PSG1: variants seen among roughly 807,000 people sequenced by gnomAD.
PSG1 encodes the protein pregnancy-specific beta-1-glycoprotein 1.
PSG1 carries 60 observed loss-of-function variants against 41.4 expected under a neutral mutation model. The ratio of observed to expected loss-of-function variants is 1.45; its 90% CI spans 1.18 to 1.80. The LOEUF (loss-of-function observed/expected upper bound fraction) is 1.80. Among genes scored for constraint, PSG1 ranks in the 40% most tolerant of loss-of-function variants. The pLI is 0.00. For synonymous variants in PSG1, 256 were observed against 192.9 expected, an observed-to-expected ratio of 1.33 and a Z score of -2.71; for missense variants, 806 against 516.9, an observed-to-expected ratio of 1.56 and a Z score of -5.42.
At chr19:42,869,358 C>T (rs1280243399) in intron 3 of PSG1, 4 of 441,784 alleles carry the variant, frequency 9.1e-6, no homozygotes, top group Non-Finnish European at 1.6e-5. Flanking sequence ...GGCTGGCTCA[C>T]CTTGGGTTCC....
rs1338518023 is a variant in PSG1 at position 42,879,091 on chromosome 19, T to A, written c.64+427A>T. On this transcript the variant is annotated intron_variant, in intron 1 of 5. Coordinates refer to ENST00000436291, the MANE Select transcript of PSG1 (RefSeq NM_001184825.2). The stretch of plus-strand genomic sequence containing the variant: ...TACGACTTTCCTGTTTTGACCCCTG[T>A]CCCTCTCTGGTGTATTTTCCCCTAT... Among the ~76,000 whole-genome samples the A allele has an allele frequency of 2.0e-5, 3 of 151,588 alleles. 1 individual carries two copies. Among genetic ancestry groups the A allele is most frequent in the Non-Finnish European group, 4.4e-5 (3 of 67,868 alleles).
chr19:42,866,722 G>C lies in PSG1; in HGVS notation c.*412C>G. The C allele has an allele frequency of 2.4e-6, 1 of 414,704 alleles. No individual in the cohort carries two copies. The allele number at this position is 414,704 out of a possible 1,614,324, so 25.7% of individuals were successfully genotyped here. ...TTTCCCCCTGAGATGTTATGTAAAA[G>C]TTTGAGGTTGAGATGACATATCTGA... On this transcript the variant is annotated 3_prime_UTR_variant, in exon 6 of 6. Coordinates refer to ENST00000436291, the MANE Select transcript of PSG1 (RefSeq NM_001184825.2).
At chr19:42,867,742 T>A (rs1362916332) in intron 5 of PSG1, 3 of 885,068 alleles carry the variant, frequency 3.4e-6, no homozygotes, top group Non-Finnish European at 5.7e-6. Flanking sequence ...TGAACTGCTA[T>A]AAGCTGTAGA....
At position 42,875,733 on chromosome 19, in the gene PSG1, C is replaced by A. The variant is rs139413075; in HGVS notation, c.430+2180G>T. Among the ~76,000 whole-genome samples the A allele has an allele frequency of 1.2e-3, 178 of 151,708 alleles. 11 individuals carry two copies. The East Asian group carries it at 0.034, about 29-fold the overall frequency. On this transcript the variant is annotated intron_variant, in intron 2 of 5. Coordinates refer to ENST00000436291, the MANE Select transcript of PSG1 (RefSeq NM_001184825.2). ...GAGGCTGATTTGAGTAATAATAAAC[C>A]TCTGTCCTCCTGTTTGGCAGACTTG...
In PSG1 at chr19:42,869,018, G is replaced by A. The variant is rs773661704; in HGVS notation, c.726C>T (p.Pro242=). 2 of 1,610,554 alleles carry A rather than the reference G, an allele frequency of 1.2e-6. No homozygotes were observed. The highest frequency in any genetic ancestry group is 1.3e-5 in the African/African-American group (1 of 74,760). Residue 242 remains proline, a synonymous_variant, in exon 4 of 6, where the codon CCC becomes CCT. Coordinates refer to ENST00000436291, the MANE Select transcript of PSG1 (RefSeq NM_001184825.2). ...TLNLLPKLPK[P]YITINNLNPR... ...GGTTTAAGTTGTTGATGGTGATGTA[G>A]GGCTTGGGCAGCTTCGCTGTGTGGA...
chr19:42,874,352 GT>G (rs200749506), intron 2 of PSG1, among the ~76,000 whole-genome samples: 16 of 148,170 alleles, frequency 1.1e-4, no homozygotes, highest in Middle Eastern at 3.4e-3. Context: ...CTCTAACAGG[GT>G]TTTTTTTTTC....
chr19:42,868,416 C>G (rs58462634), intron 4 of PSG1, 61 bp from the exon 5 acceptor site: 220,478 of 1,524,686 alleles, frequency 0.14, 19,159 homozygotes, highest in Admixed American at 0.2. Flanking sequence ...TGTTCCTGGT[C>G]TCTTAAAGGG....
rs879031586 is a variant in PSG1 at position 42,866,828 on chromosome 19, T to C, written c.*306A>G. On this transcript the variant is annotated 3_prime_UTR_variant, in exon 6 of 6. Coordinates refer to ENST00000436291, the MANE Select transcript of PSG1 (RefSeq NM_001184825.2). ...TCCTGCCAAGTGAAAGAGGCAGGCA[T>C]GAGCAAGGACAGTTAAGAGGGGGGA... 2.2e-5 allele frequency: 13 copies of C among 593,486 alleles called. No homozygotes were observed. In the South Asian group the frequency reaches 2.6e-4, roughly 12 times the overall value. 36.8% of individuals were successfully genotyped at this position (593,486 alleles called of 1,614,324 possible). A position where few individuals can be genotyped will look rare whatever the true frequency, so the allele number is the denominator to read the frequency against.
At chr19:42,873,144 G>A in intron 2 of PSG1, among the ~76,000 whole-genome samples, 1 of 151,566 alleles carries the variant, frequency 6.6e-6, no homozygotes, top group Non-Finnish European at 1.5e-5. Flanking sequence ...GGAAGAGGAG[G>A]TTCTAGAGAT....
At position 42,874,645 on chromosome 19, in the gene PSG1, C is replaced by T. The variant is rs1309036131; in HGVS notation, c.431-2600G>A. On this transcript the variant is annotated intron_variant, in intron 2 of 5. Transcript: ENST00000436291. The stretch of plus-strand genomic sequence containing the variant: ...CGTGAGCCACTGTGCGCAGCCGTCT[C>T]TGAGGGAGTTTAATGAGTTGTTGCC... Among the ~76,000 whole-genome samples, 11 of 151,816 alleles carry T rather than the reference C, an allele frequency of 7.2e-5. 1 individual carries two copies. Among genetic ancestry groups the T allele is most frequent in the Non-Finnish European group, 1.5e-4 (10 of 67,952 alleles).
intron 2 of PSG1, among the ~76,000 whole-genome samples, chr19:42,877,566 G>T (rs60284544): frequency 0.13 from 18,962 of 151,552 alleles, 1,655 homozygotes; most frequent in Admixed American, 0.17. Context: ...GTATCTCAGG[G>T]GGCCCCTCAG....
intron 2 of PSG1, among the ~76,000 whole-genome samples, chr19:42,876,213 A>C (rs973611647): frequency 2.6e-5 from 4 of 151,438 alleles, no homozygotes; most frequent in African/African-American, 9.7e-5. Context: ...AAGATGAGGG[A>C]CACAGAGAAG....
chr19:42,878,226 T>C lies in PSG1; in HGVS notation c.117A>G (p.Glu39=). ...CCTCGGAAACTTTGGTTGGCTCGGCTTCAATCGTGACTTGGGCAGTGGTGG... is the reference window on the plus strand; with the variant it reads ...CCTCGGAAACTTTGGTTGGCTCGGCCTCAATCGTGACTTGGGCAGTGGTGG... ...NLPTTAQVTI[E]AEPTKVSEGK... The change falls in exon 2 of 6, where the codon GAA becomes GAG. Residue 39 remains glutamate, a synonymous_variant. Coordinates refer to ENST00000436291, the MANE Select transcript of PSG1 (RefSeq NM_001184825.2). 1 of 1,611,066 alleles carries C rather than the reference T, an allele frequency of 6.2e-7. No individual in the cohort carries two copies. The highest frequency in any genetic ancestry group is 8.5e-7 in the Non-Finnish European group (1 of 1,178,750).
At chr19:42,876,308 C>T (rs1452241266) in intron 2 of PSG1, among the ~76,000 whole-genome samples, 1 of 151,342 alleles carries the variant, frequency 6.6e-6, no homozygotes, top group African/African-American at 2.4e-5. Flanking sequence ...CCCCCAGTTC[C>T]ATAGTCCAGG....
At chr19:42,868,563 C>A (rs1211405383) in intron 4 of PSG1, among the ~76,000 whole-genome samples, 193 bp downstream of exon 4, 1 of 151,296 alleles carries the variant, frequency 6.6e-6, no homozygotes, top group Non-Finnish European at 1.5e-5. Context: ...ATGATAAGAG[C>A]ATCCCCTCCC....
At chr19:42,878,479 C>T (rs1384722355) in intron 1 of PSG1, 4 of 967,532 alleles carry the variant, frequency 4.1e-6, no homozygotes, top group Non-Finnish European at 1.5e-6. Context: ...TCCTACTGTC[C>T]TACTAGGTCA....
rs1971694128 is a variant in PSG1, at chr19:42,878,101, G to C, written c.242C>G (p.Ser81Ter). 1 of 1,612,328 alleles carries C rather than the reference G, an allele frequency of 6.2e-7. No individual in the cohort carries two copies. The highest frequency in any genetic ancestry group is 8.5e-7 in the Non-Finnish European group (1 of 1,179,130). The change falls in exon 2 of 6, where the codon TCA becomes TGA. Residue 81 changes from serine to a stop codon, truncating the protein, a stop_gained. Coordinates refer to ENST00000436291, the MANE Select transcript of PSG1 (RefSeq NM_001184825.2). LOFTEE classifies it high-confidence loss of function. ...AATTATTTCACCGTCTACTACATAT[G>C]ATGTAATGTAATGGTAGAGGTCCCT... ...QMRDLYHYITSYVVDGEIIIY... is the reference protein window; with the variant it reads ...QMRDLYHYIT
At chr19:42,875,747 T>C (rs1971575694) in intron 2 of PSG1, among the ~76,000 whole-genome samples, 1 of 151,664 alleles carries the variant, frequency 6.6e-6, no homozygotes, top group Non-Finnish European at 1.5e-5. Context: ...GTCCTCCTGT[T>C]TGGCAGACTT....
At position 42,871,827 on chromosome 19, in the gene PSG1, A is replaced by T. The variant is rs758695256; in HGVS notation, c.649T>A (p.Cys217Ser). The change falls in exon 3 of 6, where the codon TGT becomes AGT. Residue 217 changes from cysteine (C) to serine (S), a missense_variant. Transcript: ENST00000436291. The part of the protein sequence containing the change: ...VTKYTAGPYE[C>S]EIRNPVSASR... ...GCACTCACTGGGTTCCGTATTTCAC[A>T]TTCATAGGGTCCTGCAGTATACTTT... 3.7e-6 allele frequency: 6 copies of T among 1,612,560 alleles called. No individual in the cohort carries two copies. The highest frequency in any genetic ancestry group is 1.3e-5 in the African/African-American group (1 of 74,758).
Sources: gnomAD v4.1 joint callset for allele counts (sites outside exome capture counted in the v4.1 genomes callset) on GRCh38, gnomAD v4.1.1 for gene constraint, MANE v1.5 for transcripts, NCBI Gene and HGNC (gene_info 2026-07-23, HGNC 2026-07-21) for gene names.